Variants in KCTD10 observed in about 807,000 individuals in gnomAD.
The protein encoded by KCTD10 is potassium channel tetramerization domain containing 10, also known as BTB/POZ domain-containing adapter for CUL3-mediated RhoA degradation protein 3.
In KCTD10, 13 loss-of-function variants were observed where a neutral mutation model predicts 34.6. The ratio of observed to expected loss-of-function variants is 0.38; its 90% CI spans 0.24 to 0.60. The LOEUF is 0.60. Ranked by LOEUF, KCTD10 falls within the 20% of genes least tolerant of loss-of-function variation. The pLI is 0.66. For synonymous variants in KCTD10, 156 were observed against 168.8 expected (o/e 0.92, Z 0.59); for missense variants, 256 against 420.3 (o/e 0.61, Z 3.42).
At position 109,451,417 on chromosome 12, in the gene KCTD10, G is replaced by A; in HGVS notation, c.*178C>T. On this transcript the variant is annotated 3_prime_UTR_variant, in exon 7 of 7. Coordinates refer to ENST00000228495, the MANE Select transcript of KCTD10 (RefSeq NM_031954.5). The surrounding 1 kb of genome is among the most constrained non-coding windows in gnomAD (Gnocchi z 5.0). ...GTTCAACGACAGGGGTCATACGCCTGGGTCAAGACAATCAATTTGCCTTGT... is the reference window on the plus strand; with the variant it reads ...GTTCAACGACAGGGGTCATACGCCTAGGTCAAGACAATCAATTTGCCTTGT... 1 of 601,138 alleles carries A rather than the reference G, an allele frequency of 1.7e-6. No individual in the cohort carries two copies. Among genetic ancestry groups the A allele is most frequent in the South Asian group, 2.4e-5 (1 of 41,924 alleles). 37.2% of individuals were successfully genotyped at this position (601,138 alleles called of 1,614,324 possible).
In KCTD10 at chr12:109,460,056, G is replaced by A. The variant is rs1873233400; in HGVS notation, c.387+580C>T. 6.6e-6 allele frequency among the ~76,000 whole-genome samples: 1 copy of A among 152,264 alleles called. No individual in the cohort carries two copies. The highest frequency in any genetic ancestry group is 1.5e-5 in the Non-Finnish European group (1 of 68,050). ...GCGGGGCCAGACACAGACATGTGGT[G>A]TGGGGGAGGCCCAAACAAGGGCCTC... is the stretch of plus-strand genomic sequence containing the variant. On this transcript the variant is annotated intron_variant, in intron 3 of 6. Transcript: ENST00000228495. This position sits in a 1 kb window ranked among gnomAD's most constrained non-coding sequence, Gnocchi z 4.5.
At chr12:109,472,531 G>A (rs60376986) in intron 1 of KCTD10, among the ~76,000 whole-genome samples, 4,527 of 151,950 alleles carry the variant, frequency 0.03, 227 homozygotes, top group African/African-American at 0.099. Context: ...AAGGCAGGTA[G>A]GAGTATATTC....
In KCTD10 at chr12:109,470,493, G is replaced by A. The variant is rs554262100; in HGVS notation, c.4-765C>T. 4.4e-5 allele frequency: 43 copies of A among 985,490 alleles called. No individual in the cohort carries two copies. In the South Asian group the frequency reaches 1.8e-3, roughly 41 times the overall value. 61.0% of individuals were successfully genotyped at this position (985,490 alleles called of 1,614,324 possible). A position where few individuals can be genotyped will look rare whatever the true frequency, so the allele number is the denominator to read the frequency against. ...TGGCTGATTTACGCAGGCCTGGAAA[G>A]TGAGATTGGTATCCGGCACATGTGT... is the stretch of plus-strand genomic sequence containing the variant. On this transcript the variant is annotated intron_variant, in intron 1 of 6. Coordinates refer to ENST00000228495, the MANE Select transcript of KCTD10 (RefSeq NM_031954.5).
intron 2 of KCTD10, among the ~76,000 whole-genome samples, chr12:109,465,197 G>A (rs1343510674): frequency 6.6e-6 from 1 of 152,158 alleles, no homozygotes; most frequent in Non-Finnish European, 1.5e-5. Context: ...ATATGGCTCC[G>A]GCAGCGGCTG....
At position 109,456,326 on chromosome 12, in the gene KCTD10, AT is replaced by A. The variant is rs770073767; in HGVS notation, c.528-14del. 2 of 1,612,112 alleles carry A rather than the reference AT, an allele frequency of 1.2e-6. No individual in the cohort carries two copies. The highest frequency in any genetic ancestry group is 1.7e-6 in the Non-Finnish European group (2 of 1,179,548). ...GTCGTCAGAATTGCTGCAAAAGAGC[AT>A]TTGATACGGTGACCACAAGCTGGTA... On this transcript the variant is annotated splice_polypyrimidine_tract_variant and intron_variant, in intron 5 of 6. Transcript: ENST00000228495.
intron 2 of KCTD10, among the ~76,000 whole-genome samples, chr12:109,463,923 C>T (rs1370520438): frequency 7.2e-5 from 11 of 152,226 alleles, no homozygotes; most frequent in Admixed American, 7.2e-4. Context: ...AGCAGAGCAG[C>T]AGCGTCCAGA....
At chr12:109,452,603 T>C (rs1414870965) in intron 6 of KCTD10, among the ~76,000 whole-genome samples, 3 of 152,206 alleles carry the variant, frequency 2.0e-5, no homozygotes, top group African/African-American at 7.2e-5. Flanking sequence ...AAAGCCAGAA[T>C]GGGATGCACA....
At chr12:109,472,915 G>A (rs745684347) in intron 1 of KCTD10, among the ~76,000 whole-genome samples, 6 of 152,234 alleles carry the variant, frequency 3.9e-5, no homozygotes, top group African/African-American at 9.6e-5. Flanking sequence ...AGTTTGATGT[G>A]TTTTGGTCAA....
At chr12:109,456,590 T>C (rs1165733903) in intron 5 of KCTD10, 18 of 467,352 alleles carry the variant, frequency 3.9e-5, no homozygotes, top group Admixed American at 2.4e-4. Flanking sequence ...CTCCTAACCA[T>C]TGTGCTTGAG....
rs200838466 is a variant in KCTD10 at position 109,477,241 on chromosome 12, T to C, written c.3+19A>G. 30 of 1,613,526 alleles carry C rather than the reference T, an allele frequency of 1.9e-5. No individual in the cohort carries two copies. The South Asian group carries it at 2.9e-4, about 15-fold the overall frequency. On this transcript the variant is annotated intron_variant, in intron 1 of 6. Coordinates refer to ENST00000228495, the MANE Select transcript of KCTD10 (RefSeq NM_031954.5). ...TCGGCCGCCCTCAACCCCTAGTCCA[T>C]GGGCACCGCCCTCCCTACCATGAAA...
chr12:109,448,806 A>G lies in KCTD10; in HGVS notation c.*2789T>C, dbSNP rs1302132951. On this transcript the variant is annotated 3_prime_UTR_variant, in exon 7 of 7. Transcript: ENST00000228495. Reference sequence around the variant, plus strand: ...ACAGTGACTTTGGGTAGGGCCCTAAAGACAGCACACGCTCCAGAGGGCGGG... The same window carrying G: ...ACAGTGACTTTGGGTAGGGCCCTAAGGACAGCACACGCTCCAGAGGGCGGG... 1.3e-5 allele frequency: 2 copies of G among 152,234 alleles called. No homozygotes were observed. Among genetic ancestry groups the G allele is most frequent in the Non-Finnish European group, 2.9e-5 (2 of 68,044 alleles). The allele number at this position is 152,234 out of a possible 1,614,324, so 9.4% of individuals were successfully genotyped here.
intron 1 of KCTD10, among the ~76,000 whole-genome samples, chr12:109,474,197 G>C (rs1005508550): frequency 2.0e-5 from 3 of 152,182 alleles, no homozygotes; most frequent in Non-Finnish European, 2.9e-5. Context: ...TTACAGGCAT[G>C]AACCACCGTG....
chr12:109,456,078 T>C, intron 6 of KCTD10, 40 bp downstream of exon 6: 1 of 1,597,450 alleles, frequency 6.3e-7, no homozygotes, highest in South Asian at 1.1e-5. Flanking sequence ...GGTGTGTGTT[T>C]CAGAACAGCC....
At chr12:109,472,434 T>C (rs1199814090) in intron 1 of KCTD10, among the ~76,000 whole-genome samples, 1 of 152,082 alleles carries the variant, frequency 6.6e-6, no homozygotes, top group Non-Finnish European at 1.5e-5. Context: ...CGCATGGAAC[T>C]GTCATCTCCC....
chr12:109,462,007 C>T (rs1352488500), intron 2 of KCTD10, among the ~76,000 whole-genome samples: 1 of 152,178 alleles, frequency 6.6e-6, no homozygotes, highest in Non-Finnish European at 1.5e-5. Context: ...ATGCTGTGCC[C>T]TGTTCCACGT....
intron 2 of KCTD10, among the ~76,000 whole-genome samples, chr12:109,461,009 A>C (rs1354074073): frequency 1.3e-5 from 2 of 152,178 alleles, no homozygotes; most frequent in Non-Finnish European, 2.9e-5. Flanking sequence ...GGACACAACC[A>C]TAACCCCAGG....
chr12:109,452,116 ATATT>A (rs1387132193), intron 6 of KCTD10, among the ~76,000 whole-genome samples: 1 of 152,234 alleles, frequency 6.6e-6, no homozygotes, highest in African/African-American at 2.4e-5. Context: ...TGTAATACAC[ATATT>A]TATTCACACA....
intron 1 of KCTD10, among the ~76,000 whole-genome samples, chr12:109,474,702 C>T (rs1190426497): frequency 2.0e-5 from 3 of 152,168 alleles, no homozygotes; most frequent in Non-Finnish European, 4.4e-5. Context: ...AACCAAAACA[C>T]CATAAACCAA....
chr12:109,463,544 A>C (rs1326700480), intron 2 of KCTD10, among the ~76,000 whole-genome samples: 1 of 152,160 alleles, frequency 6.6e-6, no homozygotes, highest in Non-Finnish European at 1.5e-5. Flanking sequence ...ACGGGGCACG[A>C]GAGCTATTTA....
Sources: allele counts gnomAD v4.1 joint callset (sites outside exome capture counted in the v4.1 genomes callset), GRCh38; gene constraint gnomAD v4.1.1; non-coding constraint Gnocchi (gnomAD v3.1); transcripts MANE v1.5; gene names NCBI Gene and HGNC (gene_info 2026-07-23, HGNC 2026-07-21).